Variants in ATXN7L1 observed in about 807,000 individuals in gnomAD.
ATXN7L1 encodes the protein ataxin-7-like protein 1.
Under a neutral mutation model 70.8 loss-of-function variants are expected in ATXN7L1, and 15 were observed. That is an observed-to-expected ratio of 0.21 (90% CI 0.14 to 0.33). The LOEUF is 0.33. Among genes scored for constraint, ATXN7L1 ranks in the 10% least tolerant of loss-of-function variants. ATXN7L1 has a pLI of 1.00. For synonymous variants in ATXN7L1, 440 were observed against 445.1 expected (o/e 0.99, Z 0.14); for missense variants, 975 against 1,097.1 (o/e 0.89, Z 1.57).
rs139334759 is a variant in ATXN7L1, at chr7:105,852,396, C to T, written c.250+23416G>A. On this transcript the variant is annotated intron_variant, in intron 2 of 11. Transcript: ENST00000419735. Reference sequence around the variant, plus strand: ...CTGCCCAGCAATCTGCTGCCTCCTCCCTGGAAAGCAAAAGCACTAGTGGCC... The same window carrying T: ...CTGCCCAGCAATCTGCTGCCTCCTCTCTGGAAAGCAAAAGCACTAGTGGCC... Among the ~76,000 whole-genome samples, 30 of 152,302 alleles carry T rather than the reference C, an allele frequency of 2.0e-4. No individual in the cohort carries two copies. In the East Asian group the frequency reaches 5.8e-3, roughly 29 times the overall value.
chr7:105,767,549 T>C (rs1801441765), intron 3 of ATXN7L1, among the ~76,000 whole-genome samples: 1 of 152,242 alleles, frequency 6.6e-6, no homozygotes, highest in South Asian at 2.1e-4. Context: ...AGTGCCTTGC[T>C]GTGTTTAAGT....
intron 3 of ATXN7L1, chr7:105,788,040 T>C (rs75523226): frequency 0.023 from 3,575 of 153,174 alleles, 55 homozygotes; most frequent in South Asian, 0.033. Flanking sequence ...AGGAATTTAT[T>C]ACATCAAGGA....
chr7:105,856,392 C>T (rs571072511), intron 2 of ATXN7L1, among the ~76,000 whole-genome samples: 37 of 152,092 alleles, frequency 2.4e-4, no homozygotes, highest in Admixed American at 5.9e-4. Context: ...TCAAGACCAG[C>T]CTGGCCAACA....
intron 3 of ATXN7L1, among the ~76,000 whole-genome samples, chr7:105,781,552 C>A (rs1367394421): frequency 6.6e-6 from 1 of 152,170 alleles, no homozygotes; most frequent in African/African-American, 2.4e-5. Flanking sequence ...TCTGACAAGA[C>A]GAAGAGTCAC....
intron 3 of ATXN7L1, among the ~76,000 whole-genome samples, chr7:105,783,152 C>G (rs908001303): frequency 6.6e-6 from 1 of 152,072 alleles, no homozygotes. Context: ...TCAAACAGCC[C>G]GTAAATGTTA....
At chr7:105,773,027 A>G (rs1376730600) in intron 3 of ATXN7L1, among the ~76,000 whole-genome samples, 1 of 152,226 alleles carries the variant, frequency 6.6e-6, no homozygotes, top group African/African-American at 2.4e-5. Context: ...CAAGAAATCA[A>G]AAATAAAACA....
At chr7:105,619,514 ATATATATATATATATATTTTTTTTT>A (rs1562900568) in intron 9 of ATXN7L1, among the ~76,000 whole-genome samples, 1 of 16,420 alleles carries the variant, frequency 6.1e-5, no homozygotes, top group South Asian at 3.0e-3. Context: ...ATATATATAT[ATATATATATATATATATTTTTTTTT>A]TTTTTTTTTT....
intron 2 of ATXN7L1, among the ~76,000 whole-genome samples, chr7:105,853,906 A>G (rs1420053596): frequency 6.6e-6 from 1 of 152,160 alleles, no homozygotes; most frequent in African/African-American, 2.4e-5. Context: ...AATACTTCCC[A>G]CAAGCGCTTG....
chr7:105,818,177 T>A (rs7786379), intron 2 of ATXN7L1, among the ~76,000 whole-genome samples: 4,603 of 151,730 alleles, frequency 0.03, 83 homozygotes, highest in Non-Finnish European at 0.047. Context: ...TAAAAAAAAA[T>A]TTTTTTTTGA....
chr7:105,851,952 T>C (rs1365182486), intron 2 of ATXN7L1, among the ~76,000 whole-genome samples: 1 of 152,220 alleles, frequency 6.6e-6, no homozygotes, highest in Non-Finnish European at 1.5e-5. Flanking sequence ...GAAGGATCAA[T>C]GCCACTACTT....
chr7:105,737,272 T>G (rs1797487595), intron 3 of ATXN7L1, among the ~76,000 whole-genome samples: 1 of 152,258 alleles, frequency 6.6e-6, no homozygotes, highest in African/African-American at 2.4e-5. Context: ...TAAATCTTCT[T>G]TCTCACTCTA....
chr7:105,727,674 A>C (rs1463395113), intron 3 of ATXN7L1, among the ~76,000 whole-genome samples: 4 of 144,238 alleles, frequency 2.8e-5, no homozygotes, highest in Non-Finnish European at 6.0e-5. Flanking sequence ...CATCTCAAAA[A>C]AAAAAAAAAA....
At chr7:105,717,285 G>A (rs550201407) in intron 3 of ATXN7L1, among the ~76,000 whole-genome samples, 6 of 152,120 alleles carry the variant, frequency 3.9e-5, no homozygotes, top group South Asian at 2.1e-4. Context: ...ACGCCACCAC[G>A]CCTGGCTAAT....
At chr7:105,680,516 C>A (rs1246172575) in intron 3 of ATXN7L1, among the ~76,000 whole-genome samples, 2 of 152,118 alleles carry the variant, frequency 1.3e-5, no homozygotes, top group Non-Finnish European at 2.9e-5. Flanking sequence ...TTCCACAGTT[C>A]CATTTGTTTG....
intron 3 of ATXN7L1, among the ~76,000 whole-genome samples, chr7:105,669,849 G>C (rs1432312421): frequency 6.6e-6 from 1 of 150,868 alleles, no homozygotes. Flanking sequence ...AACCCAGGAA[G>C]TGGAGGTTGT....
chr7:105,649,935 G>A (rs912483728), intron 4 of ATXN7L1, among the ~76,000 whole-genome samples: 8 of 152,138 alleles, frequency 5.3e-5, no homozygotes, highest in African/African-American at 1.7e-4. Context: ...GAGAATCTCT[G>A]ACTCACTGGC....
intron 3 of ATXN7L1, among the ~76,000 whole-genome samples, chr7:105,727,908 AC>A (rs1408987959): frequency 2.0e-5 from 3 of 150,436 alleles, no homozygotes; most frequent in South Asian, 4.2e-4. Context: ...CAGACTAACA[AC>A]CGTATGTATG....
At chr7:105,619,395 C>T (rs1428051769) in intron 9 of ATXN7L1, among the ~76,000 whole-genome samples, 3 of 144,860 alleles carry the variant, frequency 2.1e-5, no homozygotes, top group Admixed American at 6.9e-5. Flanking sequence ...TTGATCCGCT[C>T]GCCTCAGCCT....
Position 105,614,724 on chromosome 7 carries a change from T to C in ATXN7L1, c.1610A>G (p.Asn537Ser), listed in dbSNP as rs1793604741. The C allele has an allele frequency of 6.4e-7, 1 of 1,551,402 alleles. No homozygotes were observed. The highest frequency in any genetic ancestry group is 1.4e-5 in the African/African-American group (1 of 72,938). Residue 537 changes from asparagine to serine, a missense_variant, in exon 10 of 12, where the codon AAC becomes AGC. Physicochemically the swap from Asn to Ser is conservative, Grantham distance 46. Around this residue, in one of 5 missense-constraint regions of ATXN7L1, gnomAD observed 635 missense variants for 699.4 expected, o/e 0.91. Coordinates refer to ENST00000419735, the MANE Select transcript of ATXN7L1 (RefSeq NM_020725.2). The surrounding 1 kb of genome is among the most constrained non-coding windows in gnomAD (Gnocchi z 4.3). Reference protein sequence around the residue: ...VPASVLQPFSNPSAVYLPSAP... With the variant: ...VPASVLQPFSSPSAVYLPSAP... ...TGAAGGAAGATACACAGCACTGGGG[T>C]TGCTGAAAGGCTGCAAAACGGATGC...
Sources: gnomAD v4.1 joint callset for allele counts (sites outside exome capture counted in the v4.1 genomes callset) on GRCh38, gnomAD v4.1.1 for gene constraint, gnomAD v4.1.1 regional missense constraint, Gnocchi (gnomAD v3.1) non-coding constraint, MANE v1.5 for transcripts, NCBI Gene and HGNC (gene_info 2026-07-23, HGNC 2026-07-21) for gene names.